DENND5A: variants seen among roughly 807,000 people sequenced by gnomAD.
DENND5A encodes the protein DENN domain containing 5A, also known as DENN domain-containing protein 5A.
Under a neutral mutation model 140.3 loss-of-function variants are expected in DENND5A, and 64 were observed. The observed-to-expected ratio is 0.46, with a 90% CI of 0.37 to 0.56. DENND5A has a LOEUF of 0.56. Ranked by LOEUF, DENND5A falls within the 20% of genes least tolerant of loss-of-function variation. The pLI is 0.00. For synonymous variants in DENND5A, 605 were observed against 607.7 expected (o/e 1.00, Z 0.07); for missense variants, 1,292 against 1,593.8 (o/e 0.81, Z 3.22).
chr11:9,215,940 A>G (rs1041821000), intron 1 of DENND5A, among the ~76,000 whole-genome samples: 10 of 152,214 alleles, frequency 6.6e-5, no homozygotes, highest in African/African-American at 1.2e-4. Flanking sequence ...GTAGGTACAC[A>G]TGCACCTTTC....
intron 1 of DENND5A, among the ~76,000 whole-genome samples, chr11:9,243,118 T>TAAAAAAA (rs1478042311): frequency 3.9e-5 from 3 of 77,498 alleles, no homozygotes; most frequent in Admixed American, 3.0e-4. Context: ...AAAAAAAAAC[T>TAAAAAAA]GAGGCGAGTA....
intron 1 of DENND5A, among the ~76,000 whole-genome samples, chr11:9,250,886 C>A (rs1564941604): frequency 6.6e-6 from 1 of 152,136 alleles, no homozygotes; most frequent in Admixed American, 6.6e-5. Flanking sequence ...GTAATCCCAG[C>A]ACTTTGGCAG....
chr11:9,170,064 C>G (rs537746716), intron 9 of DENND5A, 115 bp from the exon 10 acceptor site: 19 of 878,008 alleles, frequency 2.2e-5, no homozygotes, highest in Non-Finnish European at 2.4e-5. Context: ...AGGAAATGAC[C>G]TAGATGTCAC....
At chr11:9,245,590 C>CG (rs1315430723) in intron 1 of DENND5A, 1 of 151,394 alleles carries the variant, frequency 6.6e-6, no homozygotes, top group Non-Finnish European at 1.5e-5. Context: ...GACTCCGTCT[C>CG]GGGGGAAAAA....
chr11:9,264,592 G>C, intron 1 of DENND5A, among the ~76,000 whole-genome samples: 1 of 152,086 alleles, frequency 6.6e-6, no homozygotes, highest in East Asian at 1.9e-4. Flanking sequence ...TTAAGTCTGG[G>C]TGGAACTTAC....
At chr11:9,197,694 T>TA (rs1407907872) in intron 4 of DENND5A, among the ~76,000 whole-genome samples, 9 of 151,636 alleles carry the variant, frequency 5.9e-5, no homozygotes, top group Non-Finnish European at 1.2e-4. Context: ...GACCCCGTCT[T>TA]AAAAAAAAGT....
At chr11:9,174,918 G>A (rs548814325) in intron 8 of DENND5A, among the ~76,000 whole-genome samples, 5 of 151,642 alleles carry the variant, frequency 3.3e-5, no homozygotes, top group Non-Finnish European at 7.4e-5. Flanking sequence ...ACTTCTATTT[G>A]ACTTCGTACT....
At chr11:9,165,135 G>A (rs1590223491) in intron 11 of DENND5A, among the ~76,000 whole-genome samples, 1 of 152,088 alleles carries the variant, frequency 6.6e-6, no homozygotes, top group East Asian at 1.9e-4. Flanking sequence ...AAGTAGCTGG[G>A]ATTACAGGTG....
rs1225383344 is a variant in DENND5A at position 9,215,564 on chromosome 11, T to TC, written c.110-7933_110-7932insG. Among the ~76,000 whole-genome samples the TC allele has an allele frequency of 4.0e-5, 6 of 151,632 alleles. No individual in the cohort carries two copies. The South Asian group carries it at 1.3e-3, about 32-fold the overall frequency. On this transcript the variant is annotated intron_variant, in intron 1 of 22. Transcript: ENST00000328194. Reference sequence around the variant, plus strand: ...AATCCTGTGTTCTTTTTTTTTTTTTTTGAGATGGAGTCTCGCTCTGTCGCC... The same window carrying TC: ...AATCCTGTGTTCTTTTTTTTTTTTTTCTGAGATGGAGTCTCGCTCTGTCGCC...
chr11:9,244,402 T>A (rs1851375927), intron 1 of DENND5A, among the ~76,000 whole-genome samples: 1 of 152,154 alleles, frequency 6.6e-6, no homozygotes, highest in Non-Finnish European at 1.5e-5. Context: ...GGAGTTTCGC[T>A]CTTGTTGCCC....
chr11:9,252,009 A>C (rs1399622248), intron 1 of DENND5A, among the ~76,000 whole-genome samples: 1 of 147,384 alleles, frequency 6.8e-6, no homozygotes, highest in African/African-American at 2.5e-5. Flanking sequence ...AGAAAAAAGA[A>C]CTAAATCTGG....
rs538149647 is a variant in DENND5A at position 9,177,485 on chromosome 11, CAA to C, written c.1906+645_1906+646del. Among the ~76,000 whole-genome samples the C allele has an allele frequency of 3.0e-3, 437 of 143,462 alleles. 2 individuals carry two copies. Among genetic ancestry groups the C allele is most frequent in the African/African-American group, 0.011 (410 of 38,368 alleles). 94.1% of individuals were successfully genotyped at this position (143,462 alleles called of 152,430 possible). A position where few individuals can be genotyped will look rare whatever the true frequency, so the allele number is the denominator to read the frequency against. ...GGAGCATAGCAAAACCTTGTCTCCA[CAA>C]AAAAAAAAAATTTTTTAATTAGCCA... On this transcript the variant is annotated intron_variant, in intron 8 of 22. Coordinates refer to ENST00000328194, the MANE Select transcript of DENND5A (RefSeq NM_015213.4).
intron 16 of DENND5A, among the ~76,000 whole-genome samples, chr11:9,146,454 A>G (rs1006896567): frequency 6.6e-6 from 1 of 152,194 alleles, no homozygotes; most frequent in African/African-American, 2.4e-5. Flanking sequence ...CTCAAAGGGA[A>G]TTAGACCATA....
At chr11:9,261,197 C>A (rs889095951) in intron 1 of DENND5A, among the ~76,000 whole-genome samples, 1 of 152,132 alleles carries the variant, frequency 6.6e-6, no homozygotes, top group Non-Finnish European at 1.5e-5. Context: ...CTTAACCTTT[C>A]TCCACAAAAC....
rs569516034 is a variant in DENND5A, at chr11:9,157,177, T to C, written c.2436+3536A>G. Among the ~76,000 whole-genome samples the C allele has an allele frequency of 1.1e-4, 17 of 152,342 alleles. No homozygotes were observed. In the South Asian group the frequency reaches 3.5e-3, roughly 32 times the overall value. On this transcript the variant is annotated intron_variant, in intron 12 of 22. Transcript: ENST00000328194. Reference sequence around the variant, plus strand: ...TATGGAAAATGATAAAAGGATTATATGTATTCTACTCACTTATTATAGAGA... The same window carrying C: ...TATGGAAAATGATAAAAGGATTATACGTATTCTACTCACTTATTATAGAGA...
intron 1 of DENND5A, among the ~76,000 whole-genome samples, chr11:9,249,769 C>T (rs1448297529): frequency 1.3e-5 from 2 of 152,024 alleles, no homozygotes; most frequent in Non-Finnish European, 2.9e-5. Context: ...AGGCTGTTCT[C>T]GAACTCCTGA....
At chr11:9,218,743 C>T (rs1032865323) in intron 1 of DENND5A, among the ~76,000 whole-genome samples, 6 of 151,912 alleles carry the variant, frequency 3.9e-5, no homozygotes, top group Admixed American at 6.6e-5. Flanking sequence ...TGGTGGCTCA[C>T]GCCTGTAATC....
chr11:9,182,986 C>A (rs1260120833), intron 5 of DENND5A, among the ~76,000 whole-genome samples: 2 of 152,104 alleles, frequency 1.3e-5, no homozygotes, highest in African/African-American at 2.4e-5. Context: ...ATTACATACA[C>A]CCCCATTTGA....
intron 13 of DENND5A, among the ~76,000 whole-genome samples, chr11:9,152,098 T>G (rs1035304186): frequency 9.8e-5 from 15 of 152,322 alleles, no homozygotes; most frequent in African/African-American, 3.6e-4. Flanking sequence ...AAACCCATAT[T>G]CATTCTGAGA....
Sources: allele counts gnomAD v4.1 joint callset (sites outside exome capture counted in the v4.1 genomes callset), GRCh38; gene constraint gnomAD v4.1.1; transcripts MANE v1.5; gene names NCBI Gene and HGNC (gene_info 2026-07-23, HGNC 2026-07-21).